The following HTR4 variants were observed in gnomAD, a reference collection of about 807,000 sequenced individuals.
HTR4 encodes the protein 5-hydroxytryptamine receptor 4.
HTR4 carries 16 observed loss-of-function variants against 36.8 expected under a neutral mutation model. The ratio of observed to expected loss-of-function variants is 0.43; its 90% confidence interval spans 0.29 to 0.66. The LOEUF is 0.66. Ranked by LOEUF, HTR4 falls within the 30% of genes least tolerant of loss-of-function variation. HTR4 has a pLI of 0.13. For synonymous variants in HTR4, 189 were observed against 185.1 expected, an observed-to-expected ratio of 1.02 and a Z score of -0.17; for missense variants, 438 against 490.9, an observed-to-expected ratio of 0.89 and a Z score of 1.02.
In HTR4 at chr5:148,493,960, T is replaced by TC. The variant is rs565035989; in HGVS notation, c.1077-10668dup. On this transcript the variant is annotated intron_variant, in intron 6 of 6. Transcript: ENST00000377888. ...ATGGCTTTTAAATGTCAAACAACTTTCCGACATTAGCAGAAACCTCTGAGG... is the reference window on the plus strand; with the variant it reads ...ATGGCTTTTAAATGTCAAACAACTTTCCCGACATTAGCAGAAACCTCTGAGG... 2.8e-4 allele frequency among the ~76,000 whole-genome samples: 43 copies of TC among 152,326 alleles called. No individual in the cohort carries two copies. In the South Asian group the frequency reaches 5.8e-3, roughly 21 times the overall value.
rs575409305 is a variant in HTR4 at position 148,483,736 on chromosome 5, G to T, written c.1077-443C>A. Among the ~76,000 whole-genome samples the T allele has an allele frequency of 4.7e-4, 72 of 152,174 alleles. 1 individual carries two copies. Among genetic ancestry groups the T allele is most frequent in the African/African-American group, 1.6e-3 (68 of 41,528 alleles). Reference sequence around the variant, plus strand: ...GTACTAGGAAAGTGCACAAATTTTCGCAGGGAGCCTGACTTACATCATGTG... The same window carrying T: ...GTACTAGGAAAGTGCACAAATTTTCTCAGGGAGCCTGACTTACATCATGTG... On this transcript the variant is annotated intron_variant, in intron 6 of 6. Coordinates refer to ENST00000377888, the MANE Select transcript of HTR4 (RefSeq NM_000870.7).
intron 1 of HTR4, chr5:148,644,640 G>A (rs183232787): frequency 5.3e-5 from 8 of 152,016 alleles, no homozygotes; most frequent in Non-Finnish European, 8.8e-5. Context: ...TCACAGGGAA[G>A]CTTTGGGAAA....
chr5:148,555,935 G>A (rs187876518), intron 2 of HTR4, among the ~76,000 whole-genome samples: 2 of 145,290 alleles, frequency 1.4e-5, no homozygotes, highest in East Asian at 4.0e-4. Context: ...GAAATCTTAG[G>A]TTATACTTTG....
intron 2 of HTR4, among the ~76,000 whole-genome samples, chr5:148,587,098 T>C (rs1761376352): frequency 6.6e-6 from 1 of 152,196 alleles, no homozygotes; most frequent in Non-Finnish European, 1.5e-5. Flanking sequence ...TAGAAACTTA[T>C]CGTACCTGCT....
chr5:148,550,274 A>G lies in HTR4; in HGVS notation c.27-12T>C, dbSNP rs1561613666. ...AACCCTCCTCAGAACTGAAAGACAC[A>G]CACAAGCACAAAGAATTGAATGAAA... is the stretch of plus-strand genomic sequence containing the variant. On this transcript the variant is annotated splice_polypyrimidine_tract_variant and intron_variant, in intron 2 of 6. Coordinates refer to ENST00000377888, the MANE Select transcript of HTR4 (RefSeq NM_000870.7). The G allele has an allele frequency of 2.5e-6, 4 of 1,613,686 alleles. No individual in the cohort carries two copies. The highest frequency in any genetic ancestry group is 1.7e-6 in the Non-Finnish European group (2 of 1,179,804).
chr5:148,500,174 T>A (rs1374037988), intron 6 of HTR4, among the ~76,000 whole-genome samples: 1 of 152,172 alleles, frequency 6.6e-6, no homozygotes, highest in East Asian at 1.9e-4. Flanking sequence ...GACACCTATA[T>A]GGGGTTGTCA....
downstream of HTR4, among the ~76,000 whole-genome samples, chr5:148,475,001 C>T (rs771755944): frequency 2.6e-5 from 4 of 151,752 alleles, no homozygotes; most frequent in Admixed American, 6.6e-5. Flanking sequence ...GCCGAGATGG[C>T]GCCACTGCAC....
chr5:148,521,071 C>A (rs1300247595), intron 5 of HTR4: 1 of 1,301,228 alleles, frequency 7.7e-7, no homozygotes. Flanking sequence ...CTCTCCACTC[C>A]ACTTCCCACA....
At chr5:148,601,921 T>A (rs1236654405) in intron 2 of HTR4, among the ~76,000 whole-genome samples, 1 of 152,162 alleles carries the variant, frequency 6.6e-6, no homozygotes, top group African/African-American at 2.4e-5. Flanking sequence ...CACTTCTATA[T>A]GGGATCTAAA....
At chr5:148,483,433 A>G in intron 6 of HTR4, 140 bp from the exon 7 acceptor site, 1 of 721,292 alleles carries the variant, frequency 1.4e-6, no homozygotes, top group Non-Finnish European at 2.4e-6. Flanking sequence ...AGGAATTTCC[A>G]TTGACAGGCC....
intron 1 of HTR4, among the ~76,000 whole-genome samples, chr5:148,642,019 A>G (rs1042978929): frequency 6.6e-6 from 1 of 152,150 alleles, no homozygotes. Context: ...GCTTTGCTCC[A>G]CTTTGTTTTG....
chr5:148,630,081 A>G (rs1753268930), intron 2 of HTR4: 1 of 152,198 alleles, frequency 6.6e-6, no homozygotes, highest in Admixed American at 6.5e-5. Flanking sequence ...CCATAACAGC[A>G]AGGAGGATCA....
chr5:148,452,109 A>G (rs369980188), intron 5 of HTR4, among the ~76,000 whole-genome samples: 1 of 152,368 alleles, frequency 6.6e-6, no homozygotes, highest in South Asian at 2.1e-4. Flanking sequence ...CATGACTTAC[A>G]TTGATGCTTT....
chr5:148,505,751 C>T (rs1044099453), intron 6 of HTR4, among the ~76,000 whole-genome samples: 1 of 152,154 alleles, frequency 6.6e-6, no homozygotes, highest in Non-Finnish European at 1.5e-5. Flanking sequence ...AGGGCCAAAT[C>T]ATGAGTGAAC....
intron 2 of HTR4, among the ~76,000 whole-genome samples, chr5:148,558,650 T>C (rs929719101): frequency 6.6e-6 from 1 of 152,140 alleles, no homozygotes; most frequent in Non-Finnish European, 1.5e-5. Flanking sequence ...CGTGAAGATA[T>C]GAGAAAGTTT....
chr5:148,536,170 T>A (rs530495038), intron 4 of HTR4, among the ~76,000 whole-genome samples: 12 of 152,222 alleles, frequency 7.9e-5, no homozygotes, highest in African/African-American at 2.6e-4. Context: ...AAGATTCTTT[T>A]CAGATAAGCA....
rs1476128702 is a variant in HTR4 at position 148,457,670 on chromosome 5, A to AATATATCATTAAAATATATTTTG, written c.1077-6421_1077-6399dup. ...TTAATATATCATTAAAATATATTTT[A>AATATATCATTAAAATATATTTTG]ATATATCATTAAAATATATTTTGAT... On this transcript the variant is annotated intron_variant, in intron 5 of 5. Transcript: ENST00000521530. 2.5e-4 allele frequency among the ~76,000 whole-genome samples: 36 copies of AATATATCATTAAAATATATTTTG among 146,414 alleles called. 1 individual carries two copies. The highest frequency in any genetic ancestry group is 9.7e-4 in the Admixed American group (14 of 14,376).
intron 4 of HTR4, among the ~76,000 whole-genome samples, chr5:148,536,053 T>A (rs575758464): frequency 6.6e-6 from 1 of 152,148 alleles, no homozygotes; most frequent in East Asian, 1.9e-4. Context: ...CCTGAAACCC[T>A]ACAGACCAGA....
chr5:148,615,075 G>A (rs201478412), intron 2 of HTR4, among the ~76,000 whole-genome samples: 1 of 151,574 alleles, frequency 6.6e-6, no homozygotes, highest in Non-Finnish European at 1.5e-5. Context: ...CTTTTACACT[G>A]TTGGTGGGAC....
Sources: allele counts gnomAD v4.1 joint callset (sites outside exome capture counted in the v4.1 genomes callset), GRCh38; gene constraint gnomAD v4.1.1; transcripts MANE v1.5; gene names NCBI Gene and HGNC (gene_info 2026-07-23, HGNC 2026-07-21).